The following RNF17 variants were observed in gnomAD, a reference collection of about 807,000 sequenced individuals.
The protein encoded by RNF17 is ring finger protein 17, also known as spermatogenesis associated 23.
RNF17 carries 31 observed loss-of-function variants against 200.5 expected under a neutral mutation model. That is an observed-to-expected ratio of 0.15 (90% CI 0.12 to 0.21). RNF17 has a LOEUF of 0.21. RNF17 is among the 10% of genes least tolerant of loss of function. The pLI, the probability that RNF17 is intolerant of heterozygous loss-of-function variation, is 1.00. For synonymous variants in RNF17, 606 were observed against 637.8 expected (o/e 0.95, Z 0.75); for missense variants, 1,628 against 1,905.1 (o/e 0.85, Z 2.71).
At chr13:24,809,442 G>A (rs911838674) in intron 15 of RNF17, among the ~76,000 whole-genome samples, 36 of 152,304 alleles carry the variant, frequency 2.4e-4, no homozygotes, top group African/African-American at 8.4e-4. Flanking sequence ...GGTGTTTGTA[G>A]TATTCTCTGA....
At chr13:24,851,395 T>G in intron 23 of RNF17, 61 bp from the exon 24 acceptor site, 6 of 1,106,374 alleles carry the variant, frequency 5.4e-6, no homozygotes, top group Non-Finnish European at 8.2e-6. Flanking sequence ...GAAATGCACA[T>G]TGTTTATATG....
chr13:24,749,338 T>A, the RNF17 span, among the ~76,000 whole-genome samples: 1 of 125,448 alleles, frequency 8.0e-6, no homozygotes. Context: ...AGAGTCTCAC[T>A]CTGTTGTCCA....
At chr13:24,816,146 C>T (rs544699895) in intron 15 of RNF17, among the ~76,000 whole-genome samples, 1 of 152,278 alleles carries the variant, frequency 6.6e-6, no homozygotes, top group East Asian at 1.9e-4. Context: ...GTGATCCTTT[C>T]ACCTTACCCT....
chr13:24,861,997 C>T (rs917524454), intron 27 of RNF17, among the ~76,000 whole-genome samples: 5 of 151,622 alleles, frequency 3.3e-5, no homozygotes, highest in African/African-American at 1.2e-4. Flanking sequence ...ACCTTCTTCA[C>T]AAGGTTGCAG....
chr13:24,751,849 T>A, the RNF17 span: 1 of 152,216 alleles, frequency 6.6e-6, no homozygotes, highest in African/African-American at 2.4e-5. Flanking sequence ...ATAGCATAAT[T>A]GTTTGCTGTC....
At chr13:24,887,414 G>A in the RNF17 span, among the ~76,000 whole-genome samples, 18,057 of 152,156 alleles carry the variant, frequency 0.12, 1,389 homozygotes, top group East Asian at 0.32. Flanking sequence ...CCCATCACTC[G>A]CATTACCACC....
chr13:24,847,975 T>G (rs893669084), intron 22 of RNF17, among the ~76,000 whole-genome samples: 6 of 152,248 alleles, frequency 3.9e-5, no homozygotes, highest in African/African-American at 1.4e-4. Flanking sequence ...GTACATACTT[T>G]AAATGGTATC....
chr13:24,888,314 G>A, the RNF17 span, among the ~76,000 whole-genome samples: 1 of 151,918 alleles, frequency 6.6e-6, no homozygotes, highest in Non-Finnish European at 1.5e-5. Flanking sequence ...TATTAGCAGT[G>A]CTTGTAACTG....
chr13:24,859,013 T>C lies in RNF17; in HGVS notation c.3623T>C (p.Ile1208Thr), dbSNP rs1566236900. The change falls in exon 26 of 36, where the codon ATA becomes ACA. Residue 1208 changes from isoleucine to threonine, a missense_variant. Around this residue, in one of 5 missense-constraint regions of RNF17, gnomAD observed 609 missense variants for 681.9 expected, o/e 0.89. Coordinates refer to ENST00000255324, the MANE Select transcript of RNF17 (RefSeq NM_031277.3). ...VVPKLSEFEL[I>T]KMTNEIQSNL... ...TACTTTTTTTCAGAATTTGAGCTAA[T>C]AAAAATGACAAATGAAATTCAAAGT... 1 of 1,583,070 alleles carries C rather than the reference T, an allele frequency of 6.3e-7. No individual in the cohort carries two copies. The highest frequency in any genetic ancestry group is 1.7e-5 in the Admixed American group (1 of 58,236).
intron 18 of RNF17, among the ~76,000 whole-genome samples, chr13:24,836,450 TGA>T (rs1367590976): frequency 1.3e-5 from 2 of 152,200 alleles, no homozygotes; most frequent in Non-Finnish European, 2.9e-5. Flanking sequence ...TTAAGAGCTG[TGA>T]GACAGAAGCA....
In RNF17 at chr13:24,789,437, T is replaced by C. The variant is rs1883561415; in HGVS notation, c.860+13T>C. 2.6e-6 allele frequency: 4 copies of C among 1,538,182 alleles called. No homozygotes were observed. The highest frequency in any genetic ancestry group is 1.4e-5 in the African/African-American group (1 of 73,364). ...GGAACCCTCCCAGGTAAGTAAGTCA[T>C]AGTTCAGGAGACCATAACAAGTATA... On this transcript the variant is annotated intron_variant, in intron 8 of 35. Transcript: ENST00000255324.
At chr13:24,886,402 G>T in the RNF17 span, 1 of 1,273,944 alleles carries the variant, frequency 7.8e-7, no homozygotes, top group Admixed American at 2.3e-5. Flanking sequence ...GACAGGAATG[G>T]TTCCATTACA....
Position 24,793,497 on chromosome 13 carries a change from C to T in RNF17, c.1240+151C>T, listed in dbSNP as rs532051629. On this transcript the variant is annotated intron_variant, in intron 10 of 35. Coordinates refer to ENST00000255324, the MANE Select transcript of RNF17 (RefSeq NM_031277.3). The stretch of plus-strand genomic sequence containing the variant: ...GTTAAAACCTGTTCATTCCATGCCC[C>T]TACTCTCACATTTTCCAGAGTTAGG... The T allele has an allele frequency of 9.6e-5, 67 of 695,882 alleles. 2 individuals carry two copies. The South Asian group carries it at 1.4e-3, about 15-fold the overall frequency. The allele number at this position is 695,882 out of a possible 1,614,324, so 43.1% of individuals were successfully genotyped here.
Position 24,799,504 on chromosome 13 carries a change from C to G in RNF17, c.1509C>G (p.Thr503=), listed in dbSNP as rs1320458216. 1 of 1,611,392 alleles carries G rather than the reference C, an allele frequency of 6.2e-7. No homozygotes were observed. Among genetic ancestry groups the G allele is most frequent in the East Asian group, 2.2e-5 (1 of 44,768 alleles). Residue 503 remains threonine, a synonymous_variant, in exon 12 of 36, where the codon ACC becomes ACG. Coordinates refer to ENST00000255324, the MANE Select transcript of RNF17 (RefSeq NM_031277.3). The stretch of plus-strand genomic sequence containing the variant: ...ATACCAGAAAACCTTGTAGTCCAAC[C>G]AGATTATTTGTCCATGAAGTTGCAC... ...GRNTRKPCSP[T]RLFVHEVALI...
chr13:24,884,424 A>G, downstream of RNF17: 1 of 1,614,090 alleles, frequency 6.2e-7, no homozygotes, highest in Non-Finnish European at 8.5e-7. Flanking sequence ...CCATTGGGAA[A>G]CAGTATAACA....
chr13:24,759,079 C>CAAAAAAAAAA, the RNF17 span, among the ~76,000 whole-genome samples: 1 of 65,364 alleles, frequency 1.5e-5, no homozygotes, highest in Non-Finnish European at 2.7e-5. Flanking sequence ...ACTGTGTCTC[C>CAAAAAAAAAA]AAAAAAAAAA....
At chr13:24,787,008 G>C (rs1883197955) in intron 6 of RNF17, among the ~76,000 whole-genome samples, 1 of 151,752 alleles carries the variant, frequency 6.6e-6, no homozygotes, top group Non-Finnish European at 1.5e-5. Context: ...TCTCTTCATT[G>C]TTGTTTTTAT....
At chr13:24,835,637 G>C (rs1593383693) in intron 18 of RNF17, among the ~76,000 whole-genome samples, 1 of 152,170 alleles carries the variant, frequency 6.6e-6, no homozygotes, top group Non-Finnish European at 1.5e-5. Flanking sequence ...TACTGCATCA[G>C]GGGAACACCC....
intron 2 of RNF17, among the ~76,000 whole-genome samples, chr13:24,771,323 CTTTTTTTTTTTTT>C (rs35220494): frequency 1.0e-4 from 8 of 78,018 alleles, no homozygotes; most frequent in East Asian, 1.3e-3. Context: ...CACAGATAAT[CTTTTTTTTTTTTT>C]TTTTTTTTTT....
Sources: gnomAD v4.1 joint callset for allele counts (sites outside exome capture counted in the v4.1 genomes callset) on GRCh38, gnomAD v4.1.1 for gene constraint, gnomAD v4.1.1 regional missense constraint, MANE v1.5 for transcripts, NCBI Gene and HGNC (gene_info 2026-07-23, HGNC 2026-07-21) for gene names.